MLKL: variants seen among roughly 807,000 people sequenced by gnomAD.
MLKL encodes the protein mixed lineage kinase domain like pseudokinase.
A neutral mutation model predicts 56.5 loss-of-function variants in MLKL; 55 were observed. The observed-to-expected ratio is 0.97, with a 90% confidence interval of 0.78 to 1.22. The LOEUF (loss-of-function observed/expected upper bound fraction) is 1.22. MLKL is among the 50% of genes most tolerant of loss of function. The pLI, the probability that MLKL is intolerant of heterozygous loss-of-function variation, is 0.00. For missense variants in MLKL, 694 were observed against 573.9 expected (o/e 1.21, Z -2.14); for synonymous variants, 251 against 208.3 (o/e 1.20, Z -1.76).
chr16:74,695,418 G>C lies in MLKL; in HGVS notation c.340C>G (p.Leu114Val). 6.2e-7 allele frequency: 1 copy of C among 1,614,234 alleles called. No homozygotes were observed. The highest frequency in any genetic ancestry group is 1.1e-5 in the South Asian group (1 of 91,090). ...KLSDVWKELSLLLQVEQRMPV... is the reference protein window; with the variant it reads ...KLSDVWKELSVLLQVEQRMPV... Reference sequence around the variant, plus strand: ...ATGCGTTGCTCAACCTGAAGTAACAGCGAGAGCTCCTTCCAGACATCACTC... The same window carrying C: ...ATGCGTTGCTCAACCTGAAGTAACACCGAGAGCTCCTTCCAGACATCACTC... Residue 114 changes from leucine (L) to valine (V), a missense_variant, in exon 2 of 11, where the codon CTG becomes GTG. Leu to Val is a conservative substitution (Grantham distance 32). Transcript: ENST00000308807.
intron 1 of MLKL, among the ~76,000 whole-genome samples, chr16:74,698,078 G>T (rs936920969): frequency 1.3e-5 from 2 of 151,208 alleles, no homozygotes; most frequent in Admixed American, 6.6e-5. Context: ...GGTGGTGCTT[G>T]CCTGTAGTCC....
At chr16:74,679,059 A>T in intron 6 of MLKL, 79 bp from the exon 7 acceptor site, 1 of 1,157,884 alleles carries the variant, frequency 8.6e-7, no homozygotes, top group Non-Finnish European at 1.3e-6. Flanking sequence ...AACTGGGCTG[A>T]TGAGGCTGGA....
At chr16:74,673,791 C>T (rs1959392360) in intron 10 of MLKL, among the ~76,000 whole-genome samples, 1 of 151,776 alleles carries the variant, frequency 6.6e-6, no homozygotes, top group African/African-American at 2.4e-5. Context: ...AAAAAGACAA[C>T]AAGATAATGC....
intron 1 of MLKL, among the ~76,000 whole-genome samples, chr16:74,698,422 C>T (rs1229424559): frequency 6.6e-6 from 1 of 152,060 alleles, no homozygotes; most frequent in African/African-American, 2.4e-5. Flanking sequence ...AATGAGCAAT[C>T]GATATAGTTG....
chr16:74,688,131 G>A (rs979028426), intron 4 of MLKL, among the ~76,000 whole-genome samples: 27 of 151,640 alleles, frequency 1.8e-4, no homozygotes, highest in Non-Finnish European at 2.9e-4. Flanking sequence ...GCCAACGCCC[G>A]GCTAATTTTT....
At chr16:74,699,046 G>C (rs1961222961) in intron 1 of MLKL, among the ~76,000 whole-genome samples, 1 of 151,756 alleles carries the variant, frequency 6.6e-6, no homozygotes, top group Non-Finnish European at 1.5e-5. Context: ...CCGGGAGGTG[G>C]AGGTTGCACT....
chr16:74,697,803 A>G (rs556439708), intron 1 of MLKL, among the ~76,000 whole-genome samples: 40 of 152,168 alleles, frequency 2.6e-4, no homozygotes, highest in African/African-American at 9.2e-4. Context: ...AGGGAAACAG[A>G]GAGACCCTGT....
At chr16:74,696,527 C>T (rs1273601680) in intron 1 of MLKL, among the ~76,000 whole-genome samples, 1 of 151,242 alleles carries the variant, frequency 6.6e-6, no homozygotes, top group Non-Finnish European at 1.5e-5. Context: ...TGGCTCCCAC[C>T]GATAATCCCA....
At chr16:74,693,628 G>A (rs1259822810) in intron 2 of MLKL, among the ~76,000 whole-genome samples, 2 of 140,508 alleles carry the variant, frequency 1.4e-5, no homozygotes, top group Non-Finnish European at 3.0e-5. Context: ...TTTTTGAGAC[G>A]GAATCTCTCT....
intron 7 of MLKL, chr16:74,676,406 ACT>A: frequency 1.0e-6 from 1 of 985,428 alleles, no homozygotes; most frequent in Non-Finnish European, 1.2e-6. Context: ...CCAGCCCCAA[ACT>A]CAGCCAGGTA....
chr16:74,688,717 A>T (rs1960485644), intron 4 of MLKL, among the ~76,000 whole-genome samples: 2 of 152,164 alleles, frequency 1.3e-5, no homozygotes, highest in Admixed American at 1.3e-4. Flanking sequence ...CATCTCAAAC[A>T]GAACAAAACA....
At position 74,691,350 on chromosome 16, in the gene MLKL, G is replaced by C. The variant is rs1329263314; in HGVS notation, c.649C>G (p.Leu217Val). 1 of 1,613,978 alleles carries C rather than the reference G, an allele frequency of 6.2e-7. No individual in the cohort carries two copies. Among genetic ancestry groups the C allele is most frequent in the Non-Finnish European group, 8.5e-7 (1 of 1,180,034 alleles). ...ILLRENEVST[L>V]YKGEYHRAPV... Reference sequence around the variant, plus strand: ...GCTCTGTGGTATTCTCCTTTATAAAGTGTGCTGACTTCATTTTCCCTTAGC... The same window carrying C: ...GCTCTGTGGTATTCTCCTTTATAAACTGTGCTGACTTCATTTTCCCTTAGC... Residue 217 changes from leucine to valine, a missense_variant, in exon 4 of 11, where the codon CTT (leucine) becomes GTT (valine). Transcript: ENST00000308807.
intron 7 of MLKL, chr16:74,676,268 G>C (rs901864516): frequency 3.0e-6 from 3 of 989,540 alleles, no homozygotes; most frequent in Non-Finnish European, 3.6e-6. Flanking sequence ...GGCGTGACGA[G>C]TGTGAGTCAT....
intron 4 of MLKL, 70 bp downstream of exon 4, chr16:74,691,207 A>C (rs1960650169): frequency 7.0e-7 from 1 of 1,422,608 alleles, no homozygotes; most frequent in East Asian, 2.3e-5. Context: ...AATGGAGACG[A>C]TATCCCTCTC....
intron 1 of MLKL, among the ~76,000 whole-genome samples, chr16:74,697,360 A>G (rs546067290): frequency 6.6e-6 from 1 of 152,286 alleles, no homozygotes; most frequent in Non-Finnish European, 1.5e-5. Context: ...TGCAGGTTTC[A>G]TGAACCAATA....
intron 4 of MLKL, among the ~76,000 whole-genome samples, chr16:74,690,512 T>C (rs532415774): frequency 1.2e-4 from 18 of 152,118 alleles, no homozygotes; most frequent in African/African-American, 2.4e-4. Flanking sequence ...AGACAAAATA[T>C]ATGGCTCACG....
At chr16:74,688,377 G>A (rs573345704) in intron 4 of MLKL, among the ~76,000 whole-genome samples, 19 of 152,186 alleles carry the variant, frequency 1.2e-4, no homozygotes, top group Non-Finnish European at 2.1e-4. Flanking sequence ...CTCTAACTTC[G>A]GAAACCTAAA....
intron 1 of MLKL, among the ~76,000 whole-genome samples, chr16:74,696,258 G>A (rs942143991): frequency 2.0e-5 from 3 of 152,168 alleles, no homozygotes; most frequent in Admixed American, 6.5e-5. Flanking sequence ...TGTATTGCAT[G>A]TAAACCGTTA....
intron 2 of MLKL, among the ~76,000 whole-genome samples, chr16:74,693,518 G>T (rs556755036): frequency 1.4e-5 from 2 of 145,422 alleles, no homozygotes; most frequent in Non-Finnish European, 3.1e-5. Context: ...AAAAGTTCTG[G>T]TGATGGATGG....
Sources: allele counts gnomAD v4.1 joint callset (sites outside exome capture counted in the v4.1 genomes callset), GRCh38; gene constraint gnomAD v4.1.1; transcripts MANE v1.5; gene names NCBI Gene and HGNC (gene_info 2026-07-23, HGNC 2026-07-21).